The following BARX2 variants were observed in gnomAD, a reference collection of about 807,000 sequenced individuals.
BARX2 encodes the protein homeobox protein BarH-like 2.
A neutral mutation model predicts 25.5 loss-of-function variants in BARX2; 11 were observed. The ratio of observed to expected loss-of-function variants is 0.43; its 90% CI spans 0.27 to 0.71. The LOEUF (loss-of-function observed/expected upper bound fraction) is 0.71. Among genes scored for constraint, BARX2 ranks in the 30% least tolerant of loss-of-function variants. The probability of loss-of-function intolerance (pLI) is 0.19; values close to 1 mark genes in which losing one functional copy is unlikely to be tolerated. For missense variants in BARX2, 360 were observed against 359.9 expected (o/e 1.00, Z 0.00); for synonymous variants, 137 against 149.5 (o/e 0.92, Z 0.61).
At chr11:129,403,056 T>G (rs11820950) in intron 1 of BARX2, among the ~76,000 whole-genome samples, 14,053 of 152,302 alleles carry the variant, frequency 0.092, 840 homozygotes, top group East Asian at 0.29. Flanking sequence ...CCAGGTGGAA[T>G]ACTAATGGTG....
intron 1 of BARX2, among the ~76,000 whole-genome samples, chr11:129,425,479 C>T (rs183123867): frequency 2.6e-5 from 4 of 152,264 alleles, no homozygotes; most frequent in African/African-American, 9.6e-5. Context: ...AGAAAGACCA[C>T]ACCATGTCCA....
At chr11:129,387,689 G>T (rs1861628978) in intron 1 of BARX2, among the ~76,000 whole-genome samples, 1 of 152,150 alleles carries the variant, frequency 6.6e-6, no homozygotes, top group Non-Finnish European at 1.5e-5. Flanking sequence ...TCAGAGCAAG[G>T]CATGAAGGAA....
chr11:129,390,735 G>A lies in BARX2; in HGVS notation c.187+14513G>A, dbSNP rs1861658129. The stretch of plus-strand genomic sequence containing the variant: ...TCAGAGGCGTTCCCCATAACTGACA[G>A]CAGTCAATGACTTCTGATTGGGCAA... On this transcript the variant is annotated intron_variant, in intron 1 of 3. Coordinates refer to ENST00000281437, the MANE Select transcript of BARX2 (RefSeq NM_003658.5). The surrounding 1 kb of genome is among the most constrained non-coding windows in gnomAD (Gnocchi z 4.3). 6.6e-6 allele frequency among the ~76,000 whole-genome samples: 1 copy of A among 152,238 alleles called. No individual in the cohort carries two copies. The highest frequency in any genetic ancestry group is 1.5e-5 in the Non-Finnish European group (1 of 68,040).
intron 1 of BARX2, among the ~76,000 whole-genome samples, chr11:129,431,042 A>T (rs1862123056): frequency 6.6e-6 from 1 of 152,092 alleles, no homozygotes; most frequent in Non-Finnish European, 1.5e-5. Context: ...TTGTATTTTT[A>T]GTAGAGACAG....
intron 3 of BARX2, among the ~76,000 whole-genome samples, chr11:129,450,255 A>AT (rs1375924634): frequency 2.6e-5 from 4 of 152,170 alleles, no homozygotes; most frequent in Non-Finnish European, 5.9e-5. Context: ...TTTATAACAT[A>AT]TTTTTTCTGA....
In BARX2 at chr11:129,436,921, G is replaced by A. The variant is rs765827355; in HGVS notation, c.358G>A (p.Glu120Lys). ...AGGGGGCGAGGCCCTAGCCAGCAGC[G>A]AGTCAGAGACGGAACAGCCCACGCC... ...APGGEALASS[E>K]SETEQPTPRQ... is the part of the protein sequence containing the mutation. Residue 120 changes from glutamate (E) to lysine (K), a missense_variant, in exon 2 of 4, where the codon GAG becomes AAG. Coordinates refer to ENST00000281437, the MANE Select transcript of BARX2 (RefSeq NM_003658.5). This position sits in a 1 kb window ranked among gnomAD's most constrained non-coding sequence, Gnocchi z 4.5. 1 of 1,613,928 alleles carries A rather than the reference G, an allele frequency of 6.2e-7. No homozygotes were observed. Among genetic ancestry groups the A allele is most frequent in the East Asian group, 2.2e-5 (1 of 44,882 alleles).
chr11:129,401,426 T>G (rs980455158), intron 1 of BARX2, among the ~76,000 whole-genome samples: 44 of 152,194 alleles, frequency 2.9e-4, no homozygotes, highest in African/African-American at 1.1e-3. Flanking sequence ...TAAAGTGGCT[T>G]TATTTCTTTA....
At chr11:129,445,709 A>T (rs1433228267) in intron 3 of BARX2, among the ~76,000 whole-genome samples, 1 of 152,218 alleles carries the variant, frequency 6.6e-6, no homozygotes, top group African/African-American at 2.4e-5. Context: ...ATAAAATTAT[A>T]AAAAGGTACT....
chr11:129,410,630 C>T (rs1168821543), intron 1 of BARX2, among the ~76,000 whole-genome samples: 1 of 152,120 alleles, frequency 6.6e-6, no homozygotes, highest in Non-Finnish European at 1.5e-5. Flanking sequence ...CCTATAGGGT[C>T]CAGGCAGGGA....
In BARX2 at chr11:129,376,179, C is replaced by G; in HGVS notation, c.144C>G (p.Cys48Trp). ...YFEKLSLYSV[C>W]PSLVVRPKPL... ...AGAAACTTTCCCTCTACTCCGTGTG[C>G]CCGTCGCTGGTCGTGCGACCCAAGC... The change falls in exon 1 of 4, where the codon TGC becomes TGG. Residue 48 changes from cysteine to tryptophan, a missense_variant. By Grantham distance (215) the Cys-to-Trp change is radical (BLOSUM62 -2). Coordinates refer to ENST00000281437, the MANE Select transcript of BARX2 (RefSeq NM_003658.5). The surrounding 1 kb of genome is among the most constrained non-coding windows in gnomAD (Gnocchi z 4.2). 6.2e-7 allele frequency: 1 copy of G among 1,612,824 alleles called. No individual in the cohort carries two copies. Among genetic ancestry groups the G allele is most frequent in the Non-Finnish European group, 8.5e-7 (1 of 1,179,422 alleles).
chr11:129,431,448 C>A (rs1160281875), intron 1 of BARX2, among the ~76,000 whole-genome samples: 1 of 152,188 alleles, frequency 6.6e-6, no homozygotes, highest in African/African-American at 2.4e-5. Context: ...CACATCCTCA[C>A]CAGCACTTGA....
chr11:129,405,138 G>A (rs1239540893), intron 1 of BARX2, among the ~76,000 whole-genome samples: 1 of 152,162 alleles, frequency 6.6e-6, no homozygotes, highest in Non-Finnish European at 1.5e-5. Context: ...AGGCCTCAGA[G>A]CATTTGGACA....
At chr11:129,387,174 C>T (rs938035211) in intron 1 of BARX2, among the ~76,000 whole-genome samples, 2 of 152,218 alleles carry the variant, frequency 1.3e-5, no homozygotes, top group East Asian at 1.9e-4. Flanking sequence ...CTTACTCTTT[C>T]GACCTCCTGG....
chr11:129,430,846 A>G (rs1366665901), intron 1 of BARX2, among the ~76,000 whole-genome samples: 1 of 152,102 alleles, frequency 6.6e-6, no homozygotes, highest in Non-Finnish European at 1.5e-5. Flanking sequence ...TTCATCCACT[A>G]TTCATCAAGT....
chr11:129,437,155 G>A lies in BARX2; in HGVS notation c.488+104G>A, dbSNP rs971182435. On this transcript the variant is annotated intron_variant, in intron 2 of 3. Coordinates refer to ENST00000281437, the MANE Select transcript of BARX2 (RefSeq NM_003658.5). ...CCACAGCACTGGTACAGTGAGGCAG[G>A]ACACTATGGCGGAGTCCACTCCTTG... The A allele has an allele frequency of 2.3e-5, 29 of 1,279,040 alleles. 1 individual carries two copies. In the South Asian group the frequency reaches 3.8e-4, roughly 17 times the overall value. 79.2% of individuals were successfully genotyped at this position (1,279,040 alleles called of 1,614,324 possible).
chr11:129,439,132 T>C (rs1258590489), intron 2 of BARX2, among the ~76,000 whole-genome samples: 2 of 152,064 alleles, frequency 1.3e-5, no homozygotes, highest in African/African-American at 4.8e-5. Flanking sequence ...ATTTTAGAAC[T>C]GTCTCTCTGG....
At chr11:129,443,944 G>A (rs1264955319) in intron 3 of BARX2, among the ~76,000 whole-genome samples, 2 of 152,042 alleles carry the variant, frequency 1.3e-5, no homozygotes, top group African/African-American at 2.4e-5. Flanking sequence ...CTCACCAAAC[G>A]TTAGTGGCTC....
intron 1 of BARX2, among the ~76,000 whole-genome samples, chr11:129,414,776 G>A (rs1861927682): frequency 1.3e-5 from 2 of 152,214 alleles, no homozygotes; most frequent in Non-Finnish European, 2.9e-5. Flanking sequence ...AAAGGTATGT[G>A]AAGATACTAC....
At chr11:129,416,632 C>T (rs1337141855) in intron 1 of BARX2, among the ~76,000 whole-genome samples, 1 of 152,094 alleles carries the variant, frequency 6.6e-6, no homozygotes, top group Non-Finnish European at 1.5e-5. Context: ...CTCTGACCTG[C>T]TAGAAGCTCT....
Sources: allele counts gnomAD v4.1 joint callset (sites outside exome capture counted in the v4.1 genomes callset), GRCh38; gene constraint gnomAD v4.1.1; non-coding constraint Gnocchi (gnomAD v3.1); transcripts MANE v1.5; gene names NCBI Gene and HGNC (gene_info 2026-07-23, HGNC 2026-07-21).